DSCAM: variants seen among roughly 807,000 people sequenced by gnomAD.
The protein encoded by DSCAM is cell adhesion molecule DSCAM.
Under a neutral mutation model 217.7 loss-of-function variants are expected in DSCAM, and 47 were observed. The ratio of observed to expected loss-of-function variants is 0.22; its 90% CI spans 0.17 to 0.28. DSCAM has a LOEUF of 0.28. Ranked by LOEUF, DSCAM falls within the 10% of genes least tolerant of loss-of-function variation. The pLI is 1.00. For synonymous variants in DSCAM, 1,056 were observed against 1,015.3 expected, an observed-to-expected ratio of 1.04 and a Z score of -0.76; for missense variants, 2,080 against 2,618.3, an observed-to-expected ratio of 0.79 and a Z score of 4.49.
chr21:40,112,658 A>G (rs2089914501), intron 20 of DSCAM, among the ~76,000 whole-genome samples: 1 of 152,212 alleles, frequency 6.6e-6, no homozygotes, highest in South Asian at 2.1e-4. Flanking sequence ...AACAAAATTG[A>G]TAGACCGCTA....
intron 16 of DSCAM, among the ~76,000 whole-genome samples, chr21:40,145,620 G>A (rs1002886172): frequency 2.0e-5 from 3 of 152,048 alleles, no homozygotes; most frequent in Admixed American, 6.6e-5. Context: ...TGAGGTGGGC[G>A]GATCACTTGA....
chr21:40,244,567 T>C (rs961442658), intron 11 of DSCAM, among the ~76,000 whole-genome samples: 4 of 152,074 alleles, frequency 2.6e-5, no homozygotes, highest in African/African-American at 9.7e-5. Context: ...GTGATGCAGA[T>C]CTAAGAGGTC....
chr21:40,453,619 A>G (rs1297537437), intron 3 of DSCAM, among the ~76,000 whole-genome samples: 1 of 152,202 alleles, frequency 6.6e-6, no homozygotes, highest in East Asian at 1.9e-4. Context: ...ATTGCTTAGT[A>G]CTAATGCCAA....
Position 40,712,469 on chromosome 21 carries a change from CAAAAAAAAAAAA to C in DSCAM, c.44-3710_44-3699del, listed in dbSNP as rs571819417. Among the ~76,000 whole-genome samples the C allele has an allele frequency of 3.7e-4, 10 of 27,344 alleles. No homozygotes were observed. In the South Asian group the frequency reaches 0.015, roughly 41 times the overall value. The allele number at this position is 27,344 out of a possible 152,430, so 17.9% of individuals were successfully genotyped here. On this transcript the variant is annotated intron_variant, in intron 1 of 32. Transcript: ENST00000400454. ...TGGGCGACAGAGCGAGACTCCGTCTCAAAAAAAAAAAAAAAAAAAAAAAAAAAGAATCTAACA... is the reference window on the plus strand; with the variant it reads ...TGGGCGACAGAGCGAGACTCCGTCTCAAAAAAAAAAAAAAAGAATCTAACA...
chr21:40,550,579 T>C (rs1339307816), intron 3 of DSCAM, among the ~76,000 whole-genome samples: 3 of 152,220 alleles, frequency 2.0e-5, no homozygotes, highest in Admixed American at 6.5e-5. Context: ...ATCCTTGCAA[T>C]TGTCCCTTAG....
chr21:40,103,793 CAT>C (rs756276473), intron 20 of DSCAM, among the ~76,000 whole-genome samples: 15 of 146,898 alleles, frequency 1.0e-4, no homozygotes, highest in South Asian at 4.3e-4. Context: ...TATATATGAC[CAT>C]ATATATATAT....
At chr21:40,809,860 G>T (rs1481703643) in intron 1 of DSCAM, among the ~76,000 whole-genome samples, 1 of 152,208 alleles carries the variant, frequency 6.6e-6, no homozygotes, top group Non-Finnish European at 1.5e-5. Context: ...TCACTCACAA[G>T]CACTAGGAAA....
At chr21:40,614,536 T>C (rs1038877341) in intron 3 of DSCAM, among the ~76,000 whole-genome samples, 1 of 152,204 alleles carries the variant, frequency 6.6e-6, no homozygotes, top group African/African-American at 2.4e-5. Context: ...TAACTGGCCA[T>C]GAGTTTCAAT....
chr21:40,771,252 T>C (rs901707056), intron 1 of DSCAM, among the ~76,000 whole-genome samples: 2 of 152,176 alleles, frequency 1.3e-5, no homozygotes, highest in African/African-American at 4.8e-5. Context: ...GGTATTTTCA[T>C]TGAGCAGGCC....
intron 3 of DSCAM, among the ~76,000 whole-genome samples, chr21:40,536,527 T>G (rs867819212): frequency 2.3e-4 from 35 of 150,224 alleles, no homozygotes; most frequent in Non-Finnish European, 3.3e-4. Context: ...TCAGCCTCCC[T>G]AGTAGCTGGG....
intron 3 of DSCAM, among the ~76,000 whole-genome samples, chr21:40,378,990 G>A (rs76124054): frequency 0.019 from 2,927 of 152,264 alleles, 82 homozygotes; most frequent in African/African-American, 0.065. Context: ...ATAAAAGACA[G>A]TAAGGTATAT....
At chr21:40,428,472 G>A (rs1721672052) in intron 3 of DSCAM, among the ~76,000 whole-genome samples, 1 of 152,000 alleles carries the variant, frequency 6.6e-6, no homozygotes, top group Admixed American at 6.6e-5. Flanking sequence ...GTTTCTCCAT[G>A]TTGGTCAGGC....
At chr21:40,736,403 G>A (rs1326168973) in intron 1 of DSCAM, among the ~76,000 whole-genome samples, 11 of 152,140 alleles carry the variant, frequency 7.2e-5, no homozygotes, top group Admixed American at 7.2e-4. Flanking sequence ...TGGGGGCCGT[G>A]GGTATATTAG....
At chr21:40,255,279 C>T (rs1601488837) in intron 11 of DSCAM, among the ~76,000 whole-genome samples, 2 of 152,226 alleles carry the variant, frequency 1.3e-5, no homozygotes, top group East Asian at 3.9e-4. Flanking sequence ...ATTCATGAAG[C>T]CGGGTTCCGC....
chr21:40,098,323 T>G (rs950054134), intron 20 of DSCAM, among the ~76,000 whole-genome samples: 1 of 152,178 alleles, frequency 6.6e-6, no homozygotes, highest in Admixed American at 6.5e-5. Flanking sequence ...ACAAAACTAA[T>G]GGAACTTCAA....
intron 32 of DSCAM, among the ~76,000 whole-genome samples, chr21:40,041,079 T>A (rs1245312757): frequency 6.6e-6 from 1 of 152,228 alleles, no homozygotes; most frequent in African/African-American, 2.4e-5. Context: ...ATTTGCTGGA[T>A]AAACTATTCT....
intron 20 of DSCAM, among the ~76,000 whole-genome samples, chr21:40,112,763 T>C (rs1474189398): frequency 6.6e-6 from 1 of 152,100 alleles, no homozygotes; most frequent in Non-Finnish European, 1.5e-5. Flanking sequence ...AAATACAAAC[T>C]ACCATCAGAG....
In DSCAM at chr21:40,376,675, CTATATATCA is replaced by C. The variant is rs1379632554; in HGVS notation, c.509-7439_509-7431del. Among the ~76,000 whole-genome samples the C allele has an allele frequency of 3.5e-3, 492 of 141,460 alleles. 10 individuals carry two copies. Among genetic ancestry groups the C allele is most frequent in the African/African-American group, 0.012 (451 of 37,802 alleles). 92.8% of individuals were successfully genotyped at this position (141,460 alleles called of 152,430 possible). On this transcript the variant is annotated intron_variant, in intron 3 of 32. Coordinates refer to ENST00000400454, the MANE Select transcript of DSCAM (RefSeq NM_001389.5). ...ATATCTATATATCTTATATAGATAT[CTATATATCA>C]TATATATCATATATATCTTATATAG...
intron 1 of DSCAM, among the ~76,000 whole-genome samples, chr21:40,721,623 A>G (rs1012706443): frequency 6.6e-6 from 1 of 152,168 alleles, no homozygotes; most frequent in Non-Finnish European, 1.5e-5. Flanking sequence ...AAACTACCCA[A>G]ATTGAAAAAC....
Sources: gnomAD v4.1 joint callset for allele counts (sites outside exome capture counted in the v4.1 genomes callset) on GRCh38, gnomAD v4.1.1 for gene constraint, MANE v1.5 for transcripts, NCBI Gene and HGNC (gene_info 2026-07-23, HGNC 2026-07-21) for gene names.